FNDC3A: variants seen among roughly 807,000 people sequenced by gnomAD.
FNDC3A encodes fibronectin type-III domain-containing protein 3A.
A neutral mutation model predicts 148.9 loss-of-function variants in FNDC3A; 32 were observed. The ratio of observed to expected loss-of-function variants is 0.21; its 90% CI spans 0.16 to 0.29. FNDC3A has a LOEUF of 0.29. Among genes scored for constraint, FNDC3A ranks in the 10% least tolerant of loss-of-function variants. FNDC3A has a pLI of 1.00. For synonymous variants in FNDC3A, 472 were observed against 473.6 expected (o/e 1.00, Z 0.04); for missense variants, 1,191 against 1,452.8 (o/e 0.82, Z 2.93).
At chr13:49,138,012 A>C (rs1243566239) in intron 6 of FNDC3A, among the ~76,000 whole-genome samples, 1 of 152,204 alleles carries the variant, frequency 6.6e-6, no homozygotes, top group Non-Finnish European at 1.5e-5. Flanking sequence ...ATGCTTATCT[A>C]AATTGATATT....
chr13:49,067,928 GA>G (rs1052309043), intron 2 of FNDC3A, among the ~76,000 whole-genome samples: 98 of 152,178 alleles, frequency 6.4e-4, no homozygotes, highest in African/African-American at 2.0e-3. Context: ...AAAAAGGGTG[GA>G]AAAGATGGAA....
At chr13:49,043,051 G>C (rs1382252044) in intron 2 of FNDC3A, among the ~76,000 whole-genome samples, 4 of 151,850 alleles carry the variant, frequency 2.6e-5, no homozygotes, top group African/African-American at 9.7e-5. Context: ...GACCTCCTGG[G>C]CTCAAAGAAT....
chr13:49,171,475 A>G (rs1884750888), intron 10 of FNDC3A, among the ~76,000 whole-genome samples: 1 of 152,112 alleles, frequency 6.6e-6, no homozygotes, highest in Non-Finnish European at 1.5e-5. Context: ...GAAATTCTTG[A>G]TTTTTAGAGT....
intron 1 of FNDC3A, among the ~76,000 whole-genome samples, chr13:49,001,270 C>T (rs1464238504): frequency 6.6e-6 from 1 of 152,156 alleles, no homozygotes; most frequent in African/African-American, 2.4e-5. Context: ...AATCAATACC[C>T]TTGTGATTTC....
chr13:49,122,101 T>C (rs942639782), intron 4 of FNDC3A, among the ~76,000 whole-genome samples: 1 of 152,128 alleles, frequency 6.6e-6, no homozygotes, highest in Non-Finnish European at 1.5e-5. Flanking sequence ...AAATCCTCAA[T>C]AAAATAACTG....
At chr13:49,193,458 C>G (rs528312035) in intron 19 of FNDC3A, among the ~76,000 whole-genome samples, 1 of 152,014 alleles carries the variant, frequency 6.6e-6, no homozygotes, top group African/African-American at 2.4e-5. Flanking sequence ...ATGGGGGTCC[C>G]CTTATGTTTC....
chr13:49,046,883 A>G (rs1374818670), intron 2 of FNDC3A: 1 of 151,886 alleles, frequency 6.6e-6, no homozygotes, highest in Non-Finnish European at 1.5e-5. Context: ...GGTTTTTGGG[A>G]AACAGTTGGT....
chr13:49,075,225 C>T, intron 2 of FNDC3A, 64 bp from the exon 3 acceptor site: 1 of 944,164 alleles, frequency 1.1e-6, no homozygotes, highest in Non-Finnish European at 1.7e-6. Context: ...TGCTCTGTTA[C>T]TATTTTTATA....
At chr13:49,074,083 C>T (rs1048783312) in intron 2 of FNDC3A, among the ~76,000 whole-genome samples, 18 of 152,084 alleles carry the variant, frequency 1.2e-4, no homozygotes, top group Non-Finnish European at 2.6e-4. Context: ...AAAACCCTTT[C>T]TGTTACTTTT....
chr13:49,125,391 ATGTT>A (rs1291962237), intron 4 of FNDC3A, among the ~76,000 whole-genome samples: 2 of 152,374 alleles, frequency 1.3e-5, no homozygotes, highest in Admixed American at 6.5e-5. Flanking sequence ...AGACACATAA[ATGTT>A]TGTTAAATGA....
chr13:49,158,226 C>T lies in FNDC3A; in HGVS notation c.978-9018C>T, dbSNP rs185350843. Among the ~76,000 whole-genome samples the T allele has an allele frequency of 3.1e-3, 479 of 152,260 alleles. 3 individuals are homozygous for T. Among genetic ancestry groups the T allele is most frequent in the Middle Eastern group, 0.01 (3 of 294 alleles). On this transcript the variant is annotated intron_variant, in intron 8 of 25. Transcript: ENST00000492622. Reference sequence around the variant, plus strand: ...AGGTGCAGGATATAATCTCGTGGTGCGCCGTTTTTTAAGCCGGTCGGAGAA... The same window carrying T: ...AGGTGCAGGATATAATCTCGTGGTGTGCCGTTTTTTAAGCCGGTCGGAGAA...
At chr13:49,087,877 G>A (rs749312249) in intron 3 of FNDC3A, among the ~76,000 whole-genome samples, 3 of 152,038 alleles carry the variant, frequency 2.0e-5, no homozygotes, top group African/African-American at 4.8e-5. Flanking sequence ...TTATTTTTAC[G>A]TAAAAATAGT....
chr13:49,039,053 A>C (rs1328614631), intron 2 of FNDC3A, among the ~76,000 whole-genome samples: 1 of 152,000 alleles, frequency 6.6e-6, no homozygotes, highest in Non-Finnish European at 1.5e-5. Flanking sequence ...TTCTCATCTG[A>C]TAGATTTTGG....
intron 13 of FNDC3A, among the ~76,000 whole-genome samples, chr13:49,175,967 G>T (rs955112276): frequency 3.3e-5 from 5 of 152,138 alleles, no homozygotes; most frequent in South Asian, 2.1e-4. Context: ...TGTGGTTTTT[G>T]TCATTGGTTC....
intron 3 of FNDC3A, among the ~76,000 whole-genome samples, chr13:49,109,602 T>G (rs1880416148): frequency 6.6e-6 from 1 of 152,238 alleles, no homozygotes; most frequent in Admixed American, 6.5e-5. Context: ...GTCTCCTTTC[T>G]GGTCTCTACT....
intron 6 of FNDC3A, among the ~76,000 whole-genome samples, chr13:49,138,298 CAGT>C (rs1343503983): frequency 2.6e-5 from 4 of 152,040 alleles, no homozygotes; most frequent in East Asian, 1.9e-4. Context: ...TTTTGCCTAT[CAGT>C]GGTGGCTATA....
At position 48,976,492 on chromosome 13, in the gene FNDC3A, T is replaced by G. The variant is rs1461318137; in HGVS notation, c.-40+315T>G. The G allele has an allele frequency of 3.3e-5, 5 of 152,848 alleles. No homozygotes were observed. The East Asian group carries it at 7.7e-4, about 24-fold the overall frequency. 9.5% of individuals were successfully genotyped at this position (152,848 alleles called of 1,614,324 possible). On this transcript the variant is annotated intron_variant, in intron 1 of 25. Coordinates refer to ENST00000492622, the MANE Select transcript of FNDC3A (RefSeq NM_001079673.2). ...ATCCAGCCCAAGAGGAGGCGGCATC[T>G]AGCCCGAGGGAGGTGGCGCTGGTGC...
intron 3 of FNDC3A, among the ~76,000 whole-genome samples, chr13:49,108,882 A>C (rs1880371238): frequency 6.6e-6 from 1 of 152,202 alleles, no homozygotes; most frequent in South Asian, 2.1e-4. Context: ...CACTTGTAAG[A>C]ATAGGCCCTT....
At chr13:49,160,575 G>C (rs1401371835) in intron 8 of FNDC3A, among the ~76,000 whole-genome samples, 2 of 151,746 alleles carry the variant, frequency 1.3e-5, no homozygotes. Context: ...ACCAGCTCCT[G>C]GATTCATTAA....
Sources: allele counts gnomAD v4.1 joint callset (sites outside exome capture counted in the v4.1 genomes callset), GRCh38; gene constraint gnomAD v4.1.1; transcripts MANE v1.5; gene names NCBI Gene and HGNC (gene_info 2026-07-23, HGNC 2026-07-21).